Variants in NRG3 observed in about 807,000 individuals in gnomAD.
NRG3 encodes neuregulin 3, also known as pro-neuregulin-3, membrane-bound isoform.
NRG3 carries 31 observed loss-of-function variants against 66.9 expected under a neutral mutation model. The observed-to-expected ratio is 0.46, with a 90% CI of 0.35 to 0.63. The LOEUF (loss-of-function observed/expected upper bound fraction) is 0.63, where lower values mean the gene tolerates loss of function less well. Among genes scored for constraint, NRG3 ranks in the 20% least tolerant of loss-of-function variants. NRG3 has a pLI of 0.00. For synonymous variants in NRG3, 393 were observed against 359.4 expected (o/e 1.09, Z -1.06); for missense variants, 910 against 878.9 (o/e 1.04, Z -0.45).
chr10:81,937,865 TA>T (rs1156736410), intron 1 of NRG3, among the ~76,000 whole-genome samples: 1 of 152,150 alleles, frequency 6.6e-6, no homozygotes, highest in African/African-American at 2.4e-5. Context: ...AGTAGTTTTA[TA>T]GTTTCTGGGC....
intron 2 of NRG3, among the ~76,000 whole-genome samples, chr10:82,460,684 C>T (rs981859686): frequency 3.3e-5 from 5 of 152,218 alleles, no homozygotes; most frequent in South Asian, 2.1e-4. Flanking sequence ...CAGATAGGGT[C>T]TCTGGCTGAG....
At chr10:82,434,732 T>A (rs2090026232) in intron 2 of NRG3, among the ~76,000 whole-genome samples, 1 of 152,220 alleles carries the variant, frequency 6.6e-6, no homozygotes, top group Admixed American at 6.5e-5. Context: ...GTTCTGTTTA[T>A]GTGATGGATT....
intron 1 of NRG3, among the ~76,000 whole-genome samples, chr10:82,297,129 T>G (rs116982472): frequency 0.012 from 1,786 of 152,342 alleles, 18 homozygotes; most frequent in Non-Finnish European, 0.019. Flanking sequence ...TCTTTATGGC[T>G]GCATAGTATT....
intron 2 of NRG3, among the ~76,000 whole-genome samples, chr10:82,574,851 G>A (rs1364801375): frequency 6.6e-6 from 1 of 151,712 alleles, no homozygotes; most frequent in Admixed American, 6.6e-5. Flanking sequence ...ATCGCACAAT[G>A]TCATTTACAT....
In NRG3 at chr10:82,141,013, G is replaced by A. The variant is rs1038200656; in HGVS notation, c.824-217726G>A. Among the ~76,000 whole-genome samples, 9 of 152,180 alleles carry A rather than the reference G, an allele frequency of 5.9e-5. No homozygotes were observed. The South Asian group carries it at 6.2e-4, about 11-fold the overall frequency. On this transcript the variant is annotated intron_variant, in intron 1 of 8. Transcript: ENST00000372141. ...TACATATATTCATATATATGTTTAT[G>A]TGTGTGTATATACATGTATAGGTAT...
At chr10:82,157,003 TC>T (rs1335600776) in intron 1 of NRG3, among the ~76,000 whole-genome samples, 1 of 151,682 alleles carries the variant, frequency 6.6e-6, no homozygotes, top group Non-Finnish European at 1.5e-5. Context: ...TCGGCAGGAA[TC>T]CCAGTCTGTA....
chr10:81,876,265 C>T, intron 1 of NRG3, 102 bp downstream of exon 1: 3 of 1,440,156 alleles, frequency 2.1e-6, no homozygotes, highest in Admixed American at 4.5e-5. Context: ...AAGCCCCCTC[C>T]CCCATCCCAG....
At position 82,221,201 on chromosome 10, in the gene NRG3, C is replaced by T. The variant is rs190162251; in HGVS notation, c.824-137538C>T. Reference sequence around the variant, plus strand: ...TTGATTTGGAACTGAGGATTTTTTTCTAGACATATATTTTAATTTGAGTTT... The same window carrying T: ...TTGATTTGGAACTGAGGATTTTTTTTTAGACATATATTTTAATTTGAGTTT... On this transcript the variant is annotated intron_variant, in intron 1 of 8. Coordinates refer to ENST00000372141, the MANE Select transcript of NRG3 (RefSeq NM_001010848.4). 2.0e-5 allele frequency among the ~76,000 whole-genome samples: 3 copies of T among 146,686 alleles called. No homozygotes were observed. The East Asian group carries it at 6.0e-4, about 29-fold the overall frequency.
intron 1 of NRG3, among the ~76,000 whole-genome samples, chr10:82,101,206 A>G (rs2066704930): frequency 6.7e-6 from 1 of 149,552 alleles, no homozygotes; most frequent in African/African-American, 2.5e-5. Flanking sequence ...ATTTGTGATA[A>G]CTCTCTTTGT....
At chr10:82,453,135 G>GATC (rs1814707452) in intron 2 of NRG3, among the ~76,000 whole-genome samples, 1 of 151,816 alleles carries the variant, frequency 6.6e-6, no homozygotes. Flanking sequence ...CTACCTTACA[G>GATC]ATTATTATTA....
intron 2 of NRG3, among the ~76,000 whole-genome samples, chr10:82,449,701 C>T (rs2090922399): frequency 6.6e-6 from 1 of 152,150 alleles, no homozygotes. Context: ...TCACATGGGG[C>T]CACATCAAGC....
chr10:82,617,323 G>GACAC lies in NRG3; in HGVS notation c.954-121242_954-121239dup, dbSNP rs148717796. 2.3e-4 allele frequency among the ~76,000 whole-genome samples: 32 copies of GACAC among 140,162 alleles called. No homozygotes were observed. The East Asian group carries it at 3.2e-3, about 14-fold the overall frequency. 92.0% of individuals were successfully genotyped at this position (140,162 alleles called of 152,430 possible). On this transcript the variant is annotated intron_variant, in intron 2 of 8. Coordinates refer to ENST00000372141, the MANE Select transcript of NRG3 (RefSeq NM_001010848.4). ...CACACACCACACACACGCACACATA[G>GACAC]ACACACACACACACAGACACACACA...
At chr10:81,924,315 A>C (rs1476261295) in intron 1 of NRG3, among the ~76,000 whole-genome samples, 3 of 152,228 alleles carry the variant, frequency 2.0e-5, no homozygotes, top group Non-Finnish European at 4.4e-5. Flanking sequence ...TTATATCCAA[A>C]TCACTTTATC....
At chr10:82,485,405 G>A (rs1489737365) in intron 2 of NRG3, among the ~76,000 whole-genome samples, 2 of 150,496 alleles carry the variant, frequency 1.3e-5, no homozygotes, top group Non-Finnish European at 2.9e-5. Context: ...TTAGCACCAA[G>A]TACCAAGAAA....
rs374547434 is a variant in NRG3 at position 81,901,967 on chromosome 10, C to T, written c.823+25804C>T. ...GTTCTCTAGTGTGTGTATGTGTGTG[C>T]GTGTGAGTGTGTTCACTTTATAAGC... On this transcript the variant is annotated intron_variant, in intron 1 of 8. Coordinates refer to ENST00000372141, the MANE Select transcript of NRG3 (RefSeq NM_001010848.4). Among the ~76,000 whole-genome samples the T allele has an allele frequency of 7.9e-5, 12 of 152,132 alleles. No individual in the cohort carries two copies. The East Asian group carries it at 9.7e-4, about 12-fold the overall frequency.
intron 1 of NRG3, among the ~76,000 whole-genome samples, chr10:82,270,562 A>T (rs550443269): frequency 6.6e-6 from 1 of 152,012 alleles, no homozygotes; most frequent in East Asian, 1.9e-4. Flanking sequence ...ATTTCTTTTG[A>T]TATATACTCC....
At chr10:82,752,468 G>A (rs529968425) in intron 3 of NRG3, among the ~76,000 whole-genome samples, 23 of 151,980 alleles carry the variant, frequency 1.5e-4, no homozygotes, top group East Asian at 3.9e-4. Context: ...TCCACATCTC[G>A]CTTTTTCATC....
intron 4 of NRG3, among the ~76,000 whole-genome samples, chr10:82,901,782 C>T (rs1457078944): frequency 6.6e-6 from 1 of 151,782 alleles, no homozygotes; most frequent in East Asian, 1.9e-4. Context: ...GGTGGTGGTG[C>T]ACAAATCCAC....
chr10:82,923,786 T>TCCTC (rs1301409785), intron 4 of NRG3, among the ~76,000 whole-genome samples: 5 of 151,806 alleles, frequency 3.3e-5, no homozygotes, highest in African/African-American at 4.8e-5. Context: ...CTTTCCCCCC[T>TCCTC]CCTCCTTCTA....
Sources: allele counts gnomAD v4.1 joint callset (sites outside exome capture counted in the v4.1 genomes callset), GRCh38; gene constraint gnomAD v4.1.1; transcripts MANE v1.5; gene names NCBI Gene and HGNC (gene_info 2026-07-23, HGNC 2026-07-21).